The following KCNMB4 variants were observed in gnomAD, a reference collection of about 807,000 sequenced individuals.
The protein encoded by KCNMB4 is calcium-activated potassium channel subunit beta-4.
Under a neutral mutation model 20.7 loss-of-function variants are expected in KCNMB4, and 3 were observed. That is an observed-to-expected ratio of 0.14 (90% confidence interval 0.07 to 0.37). KCNMB4 has a LOEUF of 0.37. Ranked by LOEUF, KCNMB4 falls within the 10% of genes least tolerant of loss-of-function variation. The pLI is 1.00. For missense variants in KCNMB4, 168 were observed against 265.9 expected (o/e 0.63, Z 2.56); for synonymous variants, 110 against 113.4 (o/e 0.97, Z 0.19).
chr12:70,418,978 G>A lies in KCNMB4; in HGVS notation c.465-11507G>A, dbSNP rs1444642444. Among the ~76,000 whole-genome samples the A allele has an allele frequency of 3.9e-5, 6 of 152,012 alleles. No individual in the cohort carries two copies. In the South Asian group the frequency reaches 6.2e-4, roughly 16 times the overall value. ...ATTTGGCTTCACAAAGTAAAATAAG[G>A]GGCCCCATTGTTTTGTCTTAATCAG... is the stretch of plus-strand genomic sequence containing the variant. On this transcript the variant is annotated intron_variant, in intron 2 of 2. Coordinates refer to ENST00000258111, the MANE Select transcript of KCNMB4 (RefSeq NM_014505.6).
At chr12:70,380,877 C>CA (rs1883773977) in intron 1 of KCNMB4, among the ~76,000 whole-genome samples, 1 of 151,984 alleles carries the variant, frequency 6.6e-6, no homozygotes, top group Non-Finnish European at 1.5e-5. Context: ...AAAGCACAAG[C>CA]AACTAAAGGA....
At chr12:70,375,162 C>G (rs1883663224) in intron 1 of KCNMB4, among the ~76,000 whole-genome samples, 1 of 152,116 alleles carries the variant, frequency 6.6e-6, no homozygotes, top group Admixed American at 6.5e-5. Flanking sequence ...TCATCATTCT[C>G]TGGTATTAAT....
intron 1 of KCNMB4, among the ~76,000 whole-genome samples, chr12:70,375,927 C>T (rs1883677187): frequency 6.6e-6 from 1 of 151,980 alleles, no homozygotes; most frequent in South Asian, 2.1e-4. Context: ...ATTTTGGTAT[C>T]ATAGTAATAG....
chr12:70,375,925 A>T (rs1883677069), intron 1 of KCNMB4, among the ~76,000 whole-genome samples: 1 of 152,118 alleles, frequency 6.6e-6, no homozygotes, highest in South Asian at 2.1e-4. Context: ...TGATTTTGGT[A>T]TCATAGTAAT....
intron 2 of KCNMB4, among the ~76,000 whole-genome samples, chr12:70,405,529 C>T (rs150343915): frequency 7.9e-5 from 12 of 152,156 alleles, no homozygotes; most frequent in South Asian, 2.1e-4. Flanking sequence ...CCTTGCATAC[C>T]GTTGGTGGGA....
At chr12:70,367,158 C>A (rs950440566) in intron 1 of KCNMB4, 88 bp downstream of exon 1, 7 of 1,071,324 alleles carry the variant, frequency 6.5e-6, no homozygotes, top group Non-Finnish European at 9.2e-6. Context: ...GAGGGTTCGG[C>A]GTGTGCTCGC....
intron 1 of KCNMB4, among the ~76,000 whole-genome samples, chr12:70,384,559 C>T (rs910718025): frequency 3.3e-5 from 5 of 152,090 alleles, no homozygotes; most frequent in African/African-American, 1.2e-4. Context: ...CAGAGCTGGG[C>T]ACATAGACAT....
intron 2 of KCNMB4, among the ~76,000 whole-genome samples, chr12:70,422,058 A>G (rs1308309029): frequency 6.6e-6 from 1 of 152,158 alleles, no homozygotes; most frequent in Non-Finnish European, 1.5e-5. Context: ...TGAATCAATA[A>G]TTCATCTCTC....
At chr12:70,385,024 A>G (rs1883864335) in intron 1 of KCNMB4, among the ~76,000 whole-genome samples, 1 of 152,098 alleles carries the variant, frequency 6.6e-6, no homozygotes, top group Non-Finnish European at 1.5e-5. Context: ...TATAGATGAT[A>G]TATATAATGT....
chr12:70,406,062 G>T (rs971407891), intron 2 of KCNMB4, among the ~76,000 whole-genome samples: 3 of 152,186 alleles, frequency 2.0e-5, no homozygotes, highest in Non-Finnish European at 4.4e-5. Flanking sequence ...CTTATATGAA[G>T]TATCTAAAAT....
chr12:70,372,893 G>A (rs1883623159), intron 1 of KCNMB4, among the ~76,000 whole-genome samples: 1 of 152,158 alleles, frequency 6.6e-6, no homozygotes, highest in Admixed American at 6.5e-5. Context: ...TAAGTCCGAG[G>A]ATGAACAGAG....
intron 1 of KCNMB4, among the ~76,000 whole-genome samples, chr12:70,389,023 G>T (rs1239907993): frequency 6.7e-6 from 1 of 150,096 alleles, no homozygotes; most frequent in African/African-American, 2.5e-5. Context: ...GTTTTCTGAT[G>T]TATGCAGTTG....
chr12:70,366,859 C>G lies in KCNMB4; in HGVS notation c.125C>G (p.Pro42Arg), dbSNP rs775457202. Residue 42 changes from proline to arginine, a missense_variant, in exon 1 of 3, where the codon CCC becomes CGC. Physicochemically the swap from Pro to Arg is moderately radical, Grantham distance 103. Transcript: ENST00000258111. ...ATCTTCGGCTTCTGCTGGCTGAGTC[C>G]CGCGCTGCAGGATCTGCAAGCCACG... ...LFIFGFCWLS[P>R]ALQDLQATEA... 4 of 1,613,030 alleles carry G rather than the reference C, an allele frequency of 2.5e-6. No homozygotes were observed. In the African/African-American group the frequency reaches 4.0e-5, roughly 16 times the overall value.
rs1167512587 is a variant in KCNMB4 at position 70,431,816 on chromosome 12, G to A, written c.*1163G>A. 1 of 152,008 alleles carries A rather than the reference G, an allele frequency of 6.6e-6. No homozygotes were observed. Among genetic ancestry groups the A allele is most frequent in the African/African-American group, 2.4e-5 (1 of 41,378 alleles). The allele number at this position is 152,008 out of a possible 1,614,324, so 9.4% of individuals were successfully genotyped here. A position where few individuals can be genotyped will look rare whatever the true frequency, so the allele number is the denominator to read the frequency against. On this transcript the variant is annotated 3_prime_UTR_variant, in exon 3 of 3. Transcript: ENST00000258111. ...ATTTACTACATAGAATCAAACCTTT[G>A]TTTAGGTGAGATGTACATCGTTAGT...
chr12:70,428,788 A>C (rs1030703291), intron 2 of KCNMB4, among the ~76,000 whole-genome samples: 2 of 152,224 alleles, frequency 1.3e-5, no homozygotes, highest in African/African-American at 2.4e-5. Context: ...GAATATATAC[A>C]TCAATGTATA....
At chr12:70,373,712 A>G (rs544006364) in intron 1 of KCNMB4, among the ~76,000 whole-genome samples, 1 of 152,340 alleles carries the variant, frequency 6.6e-6, no homozygotes, top group Non-Finnish European at 1.5e-5. Context: ...TGGTCAGAAT[A>G]TCTCTTTAGA....
intron 2 of KCNMB4, among the ~76,000 whole-genome samples, chr12:70,429,882 G>A (rs1869313180): frequency 6.6e-6 from 1 of 152,110 alleles, no homozygotes; most frequent in African/African-American, 2.4e-5. Context: ...GTTTTAAAAT[G>A]ACGGCTAATT....
At chr12:70,404,588 C>T (rs1460043828) in intron 2 of KCNMB4, among the ~76,000 whole-genome samples, 3 of 152,160 alleles carry the variant, frequency 2.0e-5, no homozygotes, top group Admixed American at 6.5e-5. Context: ...TGCTGGTCCT[C>T]GTAAGAGACT....
chr12:70,383,900 C>G (rs1190828825), intron 1 of KCNMB4, among the ~76,000 whole-genome samples: 1 of 152,190 alleles, frequency 6.6e-6, no homozygotes, highest in African/African-American at 2.4e-5. Flanking sequence ...GAAACCCTGT[C>G]TCTCCTAAAA....
Sources: allele counts gnomAD v4.1 joint callset (sites outside exome capture counted in the v4.1 genomes callset), GRCh38; gene constraint gnomAD v4.1.1; transcripts MANE v1.5; gene names NCBI Gene and HGNC (gene_info 2026-07-23, HGNC 2026-07-21).